RBKS: variants seen among roughly 807,000 people sequenced by gnomAD.
RBKS encodes the protein ribokinase.
In RBKS, 33 loss-of-function variants were observed where a neutral mutation model predicts 33.9. That is an observed-to-expected ratio of 0.97 (90% CI 0.74 to 1.30). The LOEUF (loss-of-function observed/expected upper bound fraction) is 1.30, where lower values mean the gene tolerates loss of function less well. Among genes scored for constraint, RBKS ranks in the 50% most tolerant of loss-of-function variants. RBKS has a pLI of 0.00. For synonymous variants in RBKS, 125 were observed against 143.0 expected (o/e 0.87, Z 0.90); for missense variants, 361 against 392.6 (o/e 0.92, Z 0.68).
intron 7 of RBKS, among the ~76,000 whole-genome samples, chr2:27,803,618 G>A (rs904843219): frequency 6.6e-6 from 1 of 151,852 alleles, no homozygotes; most frequent in Non-Finnish European, 1.5e-5. Flanking sequence ...TGAGTCAGGG[G>A]GTGGAAGTCA....
chr2:27,811,910 GA>G (rs904977654), intron 7 of RBKS, among the ~76,000 whole-genome samples: 3 of 151,024 alleles, frequency 2.0e-5, no homozygotes, highest in Non-Finnish European at 3.0e-5. Context: ...GATGAACCAG[GA>G]AAAAAAAATT....
chr2:27,877,061 C>A (rs1664327895), intron 1 of RBKS, among the ~76,000 whole-genome samples: 1 of 152,130 alleles, frequency 6.6e-6, no homozygotes, highest in African/African-American at 2.4e-5. Context: ...AAACTTTAAT[C>A]CTGGCTCCAA....
At chr2:27,786,051 G>A (rs1677392401) in intron 7 of RBKS, among the ~76,000 whole-genome samples, 1 of 152,068 alleles carries the variant, frequency 6.6e-6, no homozygotes, top group African/African-American at 2.4e-5. Flanking sequence ...CATTAGTTAA[G>A]TGAAAAAATG....
At chr2:27,847,723 C>T (rs1316926301) in intron 3 of RBKS, among the ~76,000 whole-genome samples, 1 of 152,240 alleles carries the variant, frequency 6.6e-6, no homozygotes, top group East Asian at 1.9e-4. Context: ...TGTATGGCTT[C>T]TAATGATTGT....
intron 7 of RBKS, among the ~76,000 whole-genome samples, chr2:27,783,432 C>T (rs550707525): frequency 1.3e-5 from 2 of 152,302 alleles, no homozygotes; most frequent in South Asian, 2.1e-4. Context: ...TATAGGGACA[C>T]ATCAAGTTTC....
intron 1 of RBKS, among the ~76,000 whole-genome samples, chr2:27,888,641 AAG>A (rs2148237466): frequency 6.6e-6 from 1 of 152,346 alleles, no homozygotes; most frequent in South Asian, 2.1e-4. Context: ...TTTTCTTGAA[AAG>A]AGTCATCACC....
intron 5 of RBKS, among the ~76,000 whole-genome samples, chr2:27,838,734 CT>C (rs1162173609): frequency 1.8e-4 from 28 of 152,320 alleles, no homozygotes; most frequent in African/African-American, 6.5e-4. Context: ...TGATGTCATC[CT>C]GGGACCAGGC....
At chr2:27,818,724 C>T (rs962333117) in intron 7 of RBKS, among the ~76,000 whole-genome samples, 2 of 152,124 alleles carry the variant, frequency 1.3e-5, no homozygotes, top group African/African-American at 4.8e-5. Context: ...CCTCATGCCC[C>T]CAAAGAATCT....
At chr2:27,885,602 G>C (rs1223806079) in intron 1 of RBKS, among the ~76,000 whole-genome samples, 1 of 151,926 alleles carries the variant, frequency 6.6e-6, no homozygotes, top group Non-Finnish European at 1.5e-5. Flanking sequence ...TCCTCCTTTA[G>C]GTCTTTACTC....
chr2:27,890,270 TC>T lies in RBKS; in HGVS notation c.75del (p.Met25IlefsTer44). On this transcript the variant is annotated frameshift_variant, in exon 1 of 8. Coordinates refer to ENST00000302188, the MANE Select transcript of RBKS (RefSeq NM_022128.3). LOFTEE classifies it high-confidence loss of function. The surrounding 1 kb of genome is among the most constrained non-coding windows in gnomAD (Gnocchi z 4.8). ...VAAVVVVGSC[M>X]TDLVSLTSRL... ...CCCCGGACTAACCTGACCAGGTCGGTCATGCAGGAGCCCACCACTACCACCG... is the reference window on the plus strand; with the variant it reads ...CCCCGGACTAACCTGACCAGGTCGGTATGCAGGAGCCCACCACTACCACCG... 1.2e-6 allele frequency: 2 copies of T among 1,613,664 alleles called. No homozygotes were observed. The highest frequency in any genetic ancestry group is 1.7e-6 in the Non-Finnish European group (2 of 1,179,982).
intron 1 of RBKS, among the ~76,000 whole-genome samples, chr2:27,868,990 C>T (rs1364680744): frequency 1.3e-5 from 2 of 152,096 alleles, no homozygotes; most frequent in Non-Finnish European, 2.9e-5. Context: ...ATTACAATAA[C>T]CCCATGAGAA....
intron 7 of RBKS, among the ~76,000 whole-genome samples, chr2:27,792,282 C>T (rs1249550176): frequency 6.6e-6 from 1 of 152,200 alleles, no homozygotes; most frequent in East Asian, 1.9e-4. Context: ...TGAATCTTGG[C>T]CTCACCACTT....
intron 1 of RBKS, among the ~76,000 whole-genome samples, chr2:27,858,783 C>A (rs753817853): frequency 1.3e-5 from 2 of 152,180 alleles, no homozygotes; most frequent in Non-Finnish European, 2.9e-5. Context: ...CAGAATTCCT[C>A]TCTCTCTCCT....
Position 27,781,438 on chromosome 2 carries a change from C to A in RBKS, c.*177G>T. On this transcript the variant is annotated 3_prime_UTR_variant, in exon 8 of 8. Coordinates refer to ENST00000302188, the MANE Select transcript of RBKS (RefSeq NM_022128.3). ...TAATTCTGGTTGTTTTGTGCAAATGCATGGAAAGCAAAAGAATCATCGTTA... is the reference window on the plus strand; with the variant it reads ...TAATTCTGGTTGTTTTGTGCAAATGAATGGAAAGCAAAAGAATCATCGTTA... 1.8e-6 allele frequency: 1 copy of A among 561,796 alleles called. No individual in the cohort carries two copies. Among genetic ancestry groups the A allele is most frequent in the Non-Finnish European group, 3.1e-6 (1 of 324,556 alleles). 34.8% of individuals were successfully genotyped at this position (561,796 alleles called of 1,614,324 possible). A position where few individuals can be genotyped will look rare whatever the true frequency, so the allele number is the denominator to read the frequency against.
At chr2:27,858,999 T>C (rs1371726659) in intron 1 of RBKS, among the ~76,000 whole-genome samples, 1 of 152,198 alleles carries the variant, frequency 6.6e-6, no homozygotes, top group Non-Finnish European at 1.5e-5. Flanking sequence ...GCAGGAAGTG[T>C]TAAACCAGAC....
chr2:27,843,435 T>G (rs186731109), intron 4 of RBKS, among the ~76,000 whole-genome samples: 3 of 152,366 alleles, frequency 2.0e-5, no homozygotes, highest in Admixed American at 2.0e-4. Context: ...TGCACATTAT[T>G]CTGATCACCT....
Position 27,810,342 on chromosome 2 carries a change from C to CT in RBKS, c.795+17224dup, listed in dbSNP as rs1413913244. 3.9e-5 allele frequency among the ~76,000 whole-genome samples: 6 copies of CT among 152,164 alleles called. No individual in the cohort carries two copies. The highest frequency in any genetic ancestry group is 7.3e-5 in the Non-Finnish European group (5 of 68,040). ...AAGAGTTACCTTCAAATGTCAGTTA[C>CT]TTTAAATGAAGGATTGATTTCTGCT... On this transcript the variant is annotated intron_variant, in intron 7 of 7. Transcript: ENST00000302188. The surrounding 1 kb of genome is among the most constrained non-coding windows in gnomAD (Gnocchi z 4.4).
At chr2:27,889,210 C>T (rs537963220) in intron 1 of RBKS, among the ~76,000 whole-genome samples, 4 of 152,028 alleles carry the variant, frequency 2.6e-5, no homozygotes, top group Non-Finnish European at 4.4e-5. Flanking sequence ...ACATGAAGAC[C>T]CTAGACCTAT....
chr2:27,782,526 T>C (rs1176069291), intron 7 of RBKS: 1 of 411,806 alleles, frequency 2.4e-6, no homozygotes, highest in South Asian at 1.8e-5. Flanking sequence ...TGGTTATGTA[T>C]TTTGTAGCAC....
Sources: gnomAD v4.1 joint callset for allele counts (sites outside exome capture counted in the v4.1 genomes callset) on GRCh38, gnomAD v4.1.1 for gene constraint, Gnocchi (gnomAD v3.1) non-coding constraint, MANE v1.5 for transcripts, NCBI Gene and HGNC (gene_info 2026-07-23, HGNC 2026-07-21) for gene names.